Variants in USP46 observed in about 807,000 individuals in gnomAD.
USP46 encodes ubiquitin carboxyl-terminal hydrolase 46.
A neutral mutation model predicts 44.4 loss-of-function variants in USP46; 12 were observed. The observed-to-expected ratio is 0.27, with a 90% confidence interval of 0.17 to 0.44. The LOEUF (loss-of-function observed/expected upper bound fraction) is 0.44, where lower values mean the gene tolerates loss of function less well. USP46 is among the 20% of genes least tolerant of loss of function. The pLI is 1.00. For synonymous variants in USP46, 155 were observed against 161.5 expected, an observed-to-expected ratio of 0.96 and a Z score of 0.31; for missense variants, 248 against 444.8, an observed-to-expected ratio of 0.56 and a Z score of 3.98.
intron 4 of USP46, among the ~76,000 whole-genome samples, chr4:52,624,980 T>C (rs906887177): frequency 6.6e-6 from 1 of 152,186 alleles, no homozygotes; most frequent in Non-Finnish European, 1.5e-5. Context: ...AGGGATTGCG[T>C]TGTAGCAGAC....
At chr4:52,601,803 G>A (rs377067971) in intron 7 of USP46, 54 bp downstream of exon 7, 31 of 1,555,066 alleles carry the variant, frequency 2.0e-5, no homozygotes, top group African/African-American at 9.5e-5. Flanking sequence ...ATACTTCAGC[G>A]AAGAGGCAAC....
chr4:52,605,857 G>A (rs144516325), intron 5 of USP46, among the ~76,000 whole-genome samples: 126 of 152,302 alleles, frequency 8.3e-4, no homozygotes, highest in African/African-American at 2.8e-3. Flanking sequence ...TCACCTTAGG[G>A]TGATTGCAGG....
rs1560394494 is a variant in USP46 at position 52,609,894 on chromosome 4, ATTTCT to A, written c.638+642_638+646del. On this transcript the variant is annotated intron_variant, in intron 5 of 8. Coordinates refer to ENST00000441222, the MANE Select transcript of USP46 (RefSeq NM_022832.4). ...TTATGGAAACCTAAACCTCAATTCT[ATTTCT>A]TTTTTTTTTTTTTTTTTTTTTTTTT... 1.5e-3 allele frequency among the ~76,000 whole-genome samples: 32 copies of A among 20,692 alleles called. 3 individuals are homozygous for A. Among genetic ancestry groups the A allele is most frequent in the Admixed American group, 9.8e-3 (19 of 1,946 alleles). 13.6% of individuals were successfully genotyped at this position (20,692 alleles called of 152,430 possible). A position where few individuals can be genotyped will look rare whatever the true frequency, so the allele number is the denominator to read the frequency against.
rs561383101 is a variant in USP46, at chr4:52,656,825, A to C, written c.36+2290T>G. ...GAGGCTGAGGTGGGAGGACCACTTG[A>C]GCCCAGGTATTAGGGACCAGCCTGG... On this transcript the variant is annotated intron_variant, in intron 1 of 8. Coordinates refer to ENST00000441222, the MANE Select transcript of USP46 (RefSeq NM_022832.4). Among the ~76,000 whole-genome samples, 29 of 152,028 alleles carry C rather than the reference A, an allele frequency of 1.9e-4. 1 individual carries two copies. The South Asian group carries it at 6.1e-3, about 32-fold the overall frequency.
rs563259556 is a variant in USP46, at chr4:52,593,067, G to T, written c.*4573C>A. 2.5e-6 allele frequency: 1 copy of T among 397,044 alleles called. No individual in the cohort carries two copies. Among genetic ancestry groups the T allele is most frequent in the Non-Finnish European group, 4.4e-6 (1 of 225,670 alleles). 24.6% of individuals were successfully genotyped at this position (397,044 alleles called of 1,614,324 possible). On this transcript the variant is annotated 3_prime_UTR_variant, in exon 9 of 9. Coordinates refer to ENST00000441222, the MANE Select transcript of USP46 (RefSeq NM_022832.4). Reference sequence around the variant, plus strand: ...TATGTCTTTATAGCACTGCCAGAATGGACAAATACAACGACTTAGTAAGTA... The same window carrying T: ...TATGTCTTTATAGCACTGCCAGAATTGACAAATACAACGACTTAGTAAGTA...
Position 52,592,251 on chromosome 4 carries a change from T to A in USP46, c.*5389A>T, listed in dbSNP as rs374447336. On this transcript the variant is annotated 3_prime_UTR_variant, in exon 9 of 9. Coordinates refer to ENST00000441222, the MANE Select transcript of USP46 (RefSeq NM_022832.4). ...TTTTATCCCCCAGCTCCTATCACAATGCCTAGAATGCAATAGGTGCCAAAT... is the reference window on the plus strand; with the variant it reads ...TTTTATCCCCCAGCTCCTATCACAAAGCCTAGAATGCAATAGGTGCCAAAT... The A allele has an allele frequency of 2.5e-4, 38 of 152,348 alleles. No homozygotes were observed. Among genetic ancestry groups the A allele is most frequent in the African/African-American group, 8.7e-4 (36 of 41,582 alleles). The allele number at this position is 152,348 out of a possible 1,614,324, so 9.4% of individuals were successfully genotyped here.
intron 2 of USP46, among the ~76,000 whole-genome samples, chr4:52,629,085 C>T (rs1489101003): frequency 2.0e-5 from 3 of 152,146 alleles, no homozygotes; most frequent in Non-Finnish European, 4.4e-5. Flanking sequence ...AGATTAATAA[C>T]ACAGATTATG....
chr4:52,656,174 A>C (rs1718939382), intron 1 of USP46: 2 of 888,480 alleles, frequency 2.3e-6, no homozygotes, highest in Non-Finnish European at 3.6e-6. Flanking sequence ...AAAAAAATGC[A>C]ATCACCATTT....
intron 4 of USP46, among the ~76,000 whole-genome samples, chr4:52,621,646 A>C (rs2109622745): frequency 6.6e-6 from 1 of 152,084 alleles, no homozygotes; most frequent in South Asian, 2.1e-4. Context: ...ACAGAGCAAG[A>C]GTCTGTCTCA....
At chr4:52,631,222 A>G (rs1253254289) in intron 1 of USP46, 78 bp from the exon 2 acceptor site, 6 of 1,128,514 alleles carry the variant, frequency 5.3e-6, no homozygotes, top group Non-Finnish European at 7.7e-6. Context: ...AGAGTCTACT[A>G]TTGAGACAAG....
At chr4:52,618,278 C>T (rs529896097) in intron 4 of USP46, among the ~76,000 whole-genome samples, 33 of 152,046 alleles carry the variant, frequency 2.2e-4, no homozygotes, top group African/African-American at 7.0e-4. Context: ...CATCTGAGGT[C>T]GGGATTTTAA....
intron 4 of USP46, 112 bp from the exon 5 acceptor site, chr4:52,610,729 T>G: frequency 1.0e-6 from 1 of 980,586 alleles, no homozygotes; most frequent in Non-Finnish European, 1.6e-6. Flanking sequence ...GCAGTTAAAG[T>G]CCTGCATGGA....
chr4:52,656,871 C>G (rs147543152), intron 1 of USP46, among the ~76,000 whole-genome samples: 3 of 151,782 alleles, frequency 2.0e-5, no homozygotes, highest in African/African-American at 7.3e-5. Flanking sequence ...GAGACCCAGT[C>G]TCTATGGAAA....
At position 52,594,273 on chromosome 4, in the gene USP46, CTTGAA is replaced by C. The variant is rs1418493223; in HGVS notation, c.*3362_*3366del. ...AAGATTGACATTATTGCTTAAAGTG[CTTGAA>C]TTGGTTACATTTTAAAAAATTAAGG... On this transcript the variant is annotated 3_prime_UTR_variant, in exon 9 of 9. Transcript: ENST00000441222. 5 of 152,082 alleles carry C rather than the reference CTTGAA, an allele frequency of 3.3e-5. No homozygotes were observed. In the Middle Eastern group the frequency reaches 9.5e-3, roughly 289 times the overall value. The allele number at this position is 152,082 out of a possible 1,614,324, so 9.4% of individuals were successfully genotyped here.
rs556509424 is a variant in USP46 at position 52,632,983 on chromosome 4, A to AG, written c.37-1840dup. Among the ~76,000 whole-genome samples the AG allele has an allele frequency of 5.4e-5, 5 of 92,766 alleles. 1 individual carries two copies. Among genetic ancestry groups the AG allele is most frequent in the South Asian group, 3.7e-4 (1 of 2,684 alleles). The allele number at this position is 92,766 out of a possible 152,430, so 60.9% of individuals were successfully genotyped here. On this transcript the variant is annotated intron_variant, in intron 1 of 8. Transcript: ENST00000441222. ...AAGAAAGAAAGAAAGAAAGAAAGAA[A>AG]GAAAAGAAAAGAAAGAAAGAAAGAA... is the stretch of plus-strand genomic sequence containing the variant.
At chr4:52,641,389 C>T (rs775832187) in intron 1 of USP46, among the ~76,000 whole-genome samples, 10 of 152,160 alleles carry the variant, frequency 6.6e-5, no homozygotes, top group Non-Finnish European at 1.0e-4. Context: ...CAAAGCACCT[C>T]TGAAAGCAAT....
chr4:52,627,911 T>C lies in USP46; in HGVS notation c.331+39A>G, dbSNP rs763561543. The C allele has an allele frequency of 7.8e-5, 122 of 1,570,674 alleles. No individual in the cohort carries two copies. The highest frequency in any genetic ancestry group is 1.0e-4 in the Non-Finnish European group (119 of 1,154,258). The stretch of plus-strand genomic sequence containing the variant: ...GATACAGAACCATCAATTCTCCTTA[T>C]TTCAGAGGCTTAAATACATTATACT... On this transcript the variant is annotated intron_variant, in intron 3 of 8. Transcript: ENST00000441222.
At chr4:52,614,296 A>G (rs1425095162) in intron 4 of USP46, among the ~76,000 whole-genome samples, 2 of 152,204 alleles carry the variant, frequency 1.3e-5, no homozygotes, top group African/African-American at 4.8e-5. Context: ...AATTTGGTGA[A>G]AGACATCCAT....
intron 4 of USP46, among the ~76,000 whole-genome samples, chr4:52,614,483 G>A (rs923092122): frequency 6.6e-6 from 1 of 152,160 alleles, no homozygotes; most frequent in Non-Finnish European, 1.5e-5. Context: ...CAGAAACTAT[G>A]GAGGCCAGAA....
Sources: allele counts gnomAD v4.1 joint callset (sites outside exome capture counted in the v4.1 genomes callset), GRCh38; gene constraint gnomAD v4.1.1; transcripts MANE v1.5; gene names NCBI Gene and HGNC (gene_info 2026-07-23, HGNC 2026-07-21).